The following SCN4A variants were observed in gnomAD, a reference collection of about 807,000 sequenced individuals.
The protein encoded by SCN4A is sodium channel protein type 4 subunit alpha.
Under a neutral mutation model 162.0 loss-of-function variants are expected in SCN4A, and 83 were observed. That is an observed-to-expected ratio of 0.51 (90% CI 0.43 to 0.61). The LOEUF (loss-of-function observed/expected upper bound fraction) is 0.61, where lower values mean the gene tolerates loss of function less well. Ranked by LOEUF, SCN4A falls within the 20% of genes least tolerant of loss-of-function variation. SCN4A has a pLI of 0.00. For missense variants in SCN4A, 2,196 were observed against 2,462.5 expected, an observed-to-expected ratio of 0.89 and a Z score of 2.29; for synonymous variants, 944 against 985.1, an observed-to-expected ratio of 0.96 and a Z score of 0.78.
In SCN4A at chr17:63,945,068, A is replaced by C; in HGVS notation, c.3721-8T>G. ...CCAACCCTTGAAGGTGGCCTGAGAG[A>C]GTGTGGTTGGGGAGTGAGCCGGGGG... On this transcript the variant is annotated splice_region_variant and splice_polypyrimidine_tract_variant and intron_variant, in intron 19 of 23. Coordinates refer to ENST00000435607, the MANE Select transcript of SCN4A (RefSeq NM_000334.4). This position sits in a 1 kb window ranked among gnomAD's most constrained non-coding sequence, Gnocchi z 4.4. 1 of 1,612,966 alleles carries C rather than the reference A, an allele frequency of 6.2e-7. No individual in the cohort carries two copies. Among genetic ancestry groups the C allele is most frequent in the Non-Finnish European group, 8.5e-7 (1 of 1,179,446 alleles).
At position 63,968,013 on chromosome 17, in the gene SCN4A, C is replaced by T. The variant is rs1359258029; in HGVS notation, c.1036+10G>A. 6.2e-7 allele frequency: 1 copy of T among 1,611,210 alleles called. No homozygotes were observed. The highest frequency in any genetic ancestry group is 2.2e-5 in the East Asian group (1 of 44,834). The stretch of plus-strand genomic sequence containing the variant: ...GGATCCCCCTTGCCCGTCACCCTCC[C>T]CATTCTTACCTTCATCACTGATGTA... On this transcript the variant is annotated intron_variant, in intron 6 of 23. Transcript: ENST00000435607.
At position 63,941,848 on chromosome 17, in the gene SCN4A, C is replaced by G. The variant is rs753725579; in HGVS notation, c.4434G>C (p.Ser1478=). 1.9e-6 allele frequency: 3 copies of G among 1,614,142 alleles called. 1 individual carries two copies. Among genetic ancestry groups the G allele is most frequent in the Non-Finnish European group, 2.5e-6 (3 of 1,179,970 alleles). ...GGCCGATGTTGAAGAGGGCAGGCAG[C>G]GACATCATGAGGGCGAACAGCAGCG... is the stretch of plus-strand genomic sequence containing the variant. ...IRTLLFALMM[S]LPALFNIGLL... Residue 1478 remains serine (S), a synonymous_variant, in exon 24 of 24, where the codon TCG becomes TCC. Transcript: ENST00000435607. This position sits in a 1 kb window ranked among gnomAD's most constrained non-coding sequence, Gnocchi z 6.2.
Position 63,968,339 on chromosome 17 carries a change from C to A in SCN4A, c.720G>T (p.Val240=). The A allele has an allele frequency of 6.2e-7, 1 of 1,600,126 alleles. No homozygotes were observed. The highest frequency in any genetic ancestry group is 1.1e-5 in the South Asian group (1 of 89,048). ...TTTTCACCGACTGGATCAGGGCCCC[C>A]ACGATCGTCTTCAGCCCTGACCGCA... The part of the protein sequence containing the change: ...ITVIPGLKTI[V]GALIQSVKKL... Residue 240 remains valine (V), a synonymous_variant, in exon 6 of 24, where the codon GTG becomes GTT. Transcript: ENST00000435607.
At chr17:63,949,999 T>C (rs993182473) in intron 14 of SCN4A, among the ~76,000 whole-genome samples, 3 of 152,000 alleles carry the variant, frequency 2.0e-5, no homozygotes, top group Admixed American at 6.5e-5. Flanking sequence ...GGCTGAGGAA[T>C]CCAGAAAGGG....
At chr17:63,942,777 G>A (rs373573907) in intron 23 of SCN4A, 49 bp downstream of exon 23, 46 of 1,570,804 alleles carry the variant, frequency 2.9e-5, no homozygotes, top group East Asian at 2.0e-4. Context: ...GGGTCTTCCC[G>A]AGTGCCTCAG....
At chr17:63,946,750 G>A (rs973221633) in intron 18 of SCN4A, among the ~76,000 whole-genome samples, 1 of 152,146 alleles carries the variant, frequency 6.6e-6, no homozygotes, top group Non-Finnish European at 1.5e-5. Flanking sequence ...TTCCCTGGCC[G>A]TGGGGCCCTC....
Position 63,951,487 on chromosome 17 carries a change from C to T in SCN4A, c.2790G>A (p.Glu930=), listed in dbSNP as rs1908905182. The T allele has an allele frequency of 6.2e-7, 1 of 1,612,106 alleles. No individual in the cohort carries two copies. Among genetic ancestry groups the T allele is most frequent in the Non-Finnish European group, 8.5e-7 (1 of 1,178,286 alleles). Residue 930 remains glutamate (E), a synonymous_variant, in exon 14 of 24, where the codon GAG becomes GAA. Transcript: ENST00000435607. The surrounding 1 kb of genome is among the most constrained non-coding windows in gnomAD (Gnocchi z 4.5). ...LTIQVPIASE[E]SDLEMPTEEE... ...CCTCGGTGGGCATCTCCAGGTCGGA[C>T]TCCTCGGAGGCGATGGGCACCTGTA...
chr17:63,952,198 CTTT>C (rs566410650), intron 13 of SCN4A, among the ~76,000 whole-genome samples: 1 of 144,688 alleles, frequency 6.9e-6, no homozygotes, highest in East Asian at 2.0e-4. Flanking sequence ...CCTTTTTTTT[CTTT>C]TTTTTTTTTC....
In SCN4A at chr17:63,972,906, C is replaced by T. The variant is rs1597988429; in HGVS notation, c.-65G>A. 6.7e-7 allele frequency: 1 copy of T among 1,494,736 alleles called. No homozygotes were observed. The highest frequency in any genetic ancestry group is 8.9e-7 in the Non-Finnish European group (1 of 1,120,572). 92.6% of individuals were successfully genotyped at this position (1,494,736 alleles called of 1,614,324 possible). On this transcript the variant is annotated 5_prime_UTR_variant, in exon 1 of 24. Transcript: ENST00000435607. This position sits in a 1 kb window ranked among gnomAD's most constrained non-coding sequence, Gnocchi z 4.3. Reference sequence around the variant, plus strand: ...GGCCTGGGGAGCTGCAGTGCGCAGCCCCGGGGTGCTGGGCGGCCGCCCCTC... The same window carrying T: ...GGCCTGGGGAGCTGCAGTGCGCAGCTCCGGGGTGCTGGGCGGCCGCCCCTC...
Position 63,944,564 on chromosome 17 carries a change from T to C in SCN4A, c.3912+109A>G. 7.9e-7 allele frequency: 1 copy of C among 1,258,102 alleles called. No individual in the cohort carries two copies. The allele number at this position is 1,258,102 out of a possible 1,614,324, so 77.9% of individuals were successfully genotyped here. ...AAGCTAGCTGCCTGAACCAACAACC[T>C]GGTAGGTGCTCAGGCAGCGTTTGTG... is the stretch of plus-strand genomic sequence containing the variant. On this transcript the variant is annotated intron_variant, in intron 21 of 23. Transcript: ENST00000435607. This position sits in a 1 kb window ranked among gnomAD's most constrained non-coding sequence, Gnocchi z 4.3.
Position 63,941,092 on chromosome 17 carries a change from G to C in SCN4A, c.5190C>G (p.Cys1730Trp). The change falls in exon 24 of 24, where the codon TGC (cysteine) becomes TGG (tryptophan). Residue 1730 changes from cysteine to tryptophan, a missense_variant. Cys to Trp is a radical substitution (Grantham distance 215, BLOSUM62 -2). Coordinates refer to ENST00000435607, the MANE Select transcript of SCN4A (RefSeq NM_000334.4). This position sits in a 1 kb window ranked among gnomAD's most constrained non-coding sequence, Gnocchi z 6.2. ...TTLKRKHEEV[C>W]AIKIQRAYRR... ...GGTAGGCCCTCTGGATCTTGATGGCGCACACCTCCTCGTGCTTCCTCTTGA... is the reference window on the plus strand; with the variant it reads ...GGTAGGCCCTCTGGATCTTGATGGCCCACACCTCCTCGTGCTTCCTCTTGA... The C allele has an allele frequency of 6.2e-7, 1 of 1,613,980 alleles. No homozygotes were observed. Among genetic ancestry groups the C allele is most frequent in the Non-Finnish European group, 8.5e-7 (1 of 1,179,874 alleles).
rs1908423551 is a variant in SCN4A, at chr17:63,938,644, C to G, written c.*2127G>C. 1.3e-5 allele frequency: 2 copies of G among 152,882 alleles called. No individual in the cohort carries two copies. Among genetic ancestry groups the G allele is most frequent in the Non-Finnish European group, 2.9e-5 (2 of 68,216 alleles). 9.5% of individuals were successfully genotyped at this position (152,882 alleles called of 1,614,324 possible). A position where few individuals can be genotyped will look rare whatever the true frequency, so the allele number is the denominator to read the frequency against. On this transcript the variant is annotated 3_prime_UTR_variant, in exon 24 of 24. Coordinates refer to ENST00000435607, the MANE Select transcript of SCN4A (RefSeq NM_000334.4). ...GGGACCTGTTCCCCACTGGACCAGG[C>G]AGGAATGGGCATCCGTCTGCAGGGG...
Position 63,943,008 on chromosome 17 carries a change from G to T in SCN4A, c.4106C>A (p.Thr1369Asn), listed in dbSNP as rs748313755. 1.1e-5 allele frequency: 17 copies of T among 1,613,834 alleles called. No homozygotes were observed. The highest frequency in any genetic ancestry group is 1.6e-4 in the Middle Eastern group (1 of 6,082). ...CTGGTTGTCTGTCTCCACCATCATG[G>T]TGACCATGTTGAGGCAGATGAGGAT... is the stretch of plus-strand genomic sequence containing the variant. ...IMILICLNMVTMMVETDNQSQ... is the reference protein window; with the variant it reads ...IMILICLNMVNMMVETDNQSQ... The change falls in exon 23 of 24, where the codon ACC becomes AAC. Residue 1369 changes from threonine to asparagine, a missense_variant. Transcript: ENST00000435607.
intron 11 of SCN4A, among the ~76,000 whole-genome samples, 164 bp downstream of exon 11, chr17:63,961,029 C>G (rs926314725): frequency 4.8e-5 from 7 of 145,850 alleles, no homozygotes; most frequent in Non-Finnish European, 9.1e-5. Flanking sequence ...CCCAAGTACC[C>G]CCCCCCACAT....
rs751390409 is a variant in SCN4A, at chr17:63,972,691, C to T, written c.151G>A (p.Glu51Lys). 23 of 1,613,652 alleles carry T rather than the reference C, an allele frequency of 1.4e-5. No homozygotes were observed. Among genetic ancestry groups the T allele is most frequent in the African/African-American group, 2.7e-5 (2 of 75,024 alleles). The change falls in exon 1 of 24, where the codon GAA becomes AAA. Residue 51 changes from glutamate (E) to lysine (K), a missense_variant. Transcript: ENST00000435607. This position sits in a 1 kb window ranked among gnomAD's most constrained non-coding sequence, Gnocchi z 4.3. Reference protein sequence around the residue: ...RNKQMEIEEPERKPRSDLEAG... With the variant: ...RNKQMEIEEPKRKPRSDLEAG... ...TCCAAGTCACTTCGTGGCTTCCGTTCGGGCTCCTCAATCTCCATCTGCTTA... is the reference window on the plus strand; with the variant it reads ...TCCAAGTCACTTCGTGGCTTCCGTTTGGGCTCCTCAATCTCCATCTGCTTA...
At chr17:63,958,893 G>A (rs1426161802) in intron 12 of SCN4A, among the ~76,000 whole-genome samples, 1 of 152,148 alleles carries the variant, frequency 6.6e-6, no homozygotes, top group Admixed American at 6.5e-5. Context: ...CTTATGGGGT[G>A]GTGAAAAGAC....
intron 18 of SCN4A, among the ~76,000 whole-genome samples, chr17:63,946,464 C>T (rs1295159669): frequency 1.8e-5 from 2 of 109,684 alleles, no homozygotes; most frequent in Non-Finnish European, 1.7e-5. Flanking sequence ...TTTTTCTTGC[C>T]CCCCCCCCCA....
intron 3 of SCN4A, 22 bp from the exon 4 acceptor site, chr17:63,971,872 G>C (rs535521462): frequency 1.2e-6 from 2 of 1,612,618 alleles, no homozygotes; most frequent in South Asian, 2.2e-5. Context: ...AGGGCCGGCC[G>C]GGACAGGCAT....
chr17:63,946,361 G>C (rs1210007297), intron 18 of SCN4A, among the ~76,000 whole-genome samples: 1 of 152,018 alleles, frequency 6.6e-6, no homozygotes, highest in Non-Finnish European at 1.5e-5. Flanking sequence ...GGGGCCGCTT[G>C]GGGGGGCTCG....
Sources: allele counts gnomAD v4.1 joint callset (sites outside exome capture counted in the v4.1 genomes callset), GRCh38; gene constraint gnomAD v4.1.1; non-coding constraint Gnocchi (gnomAD v3.1); transcripts MANE v1.5; gene names NCBI Gene and HGNC (gene_info 2026-07-23, HGNC 2026-07-21).